Variants in PEBP4 observed in about 807,000 individuals in gnomAD.
PEBP4 encodes the protein phosphatidylethanolamine binding protein 4, also known as phosphatidylethanolamine-binding protein 4.
In PEBP4, 22 loss-of-function variants were observed where a neutral mutation model predicts 23.9. That is an observed-to-expected ratio of 0.92 (90% CI 0.66 to 1.31). The LOEUF is 1.31. PEBP4 is among the 40% of genes most tolerant of loss of function. The probability of loss-of-function intolerance (pLI) is 0.00; values close to 1 mark genes in which losing one functional copy is unlikely to be tolerated. For synonymous variants in PEBP4, 112 were observed against 99.3 expected (o/e 1.13, Z -0.76); for missense variants, 324 against 281.7 (o/e 1.15, Z -1.07).
intron 4 of PEBP4, among the ~76,000 whole-genome samples, chr8:22,733,807 ATGGGGGAATTGGGGAGG>A (rs1158983645): frequency 0.011 from 43 of 4,048 alleles, 1 homozygote; most frequent in Non-Finnish European, 0.033. Flanking sequence ...GAGGGTGGGG[ATGGGGGAATTGGGGAGG>A]GTGGGGATGG....
At chr8:22,822,359 G>GTGTGTGTGTGTGTGTGTGTGTGTA (rs1281144480) in intron 3 of PEBP4, among the ~76,000 whole-genome samples, 7 of 151,708 alleles carry the variant, frequency 4.6e-5, no homozygotes, top group African/African-American at 1.7e-4. Context: ...ACTAAAGTGT[G>GTGTGTGTGTGTGTGTGTGTGTGTA]TGTGTGTGTG....
intron 4 of PEBP4, among the ~76,000 whole-genome samples, chr8:22,765,948 C>CTG (rs36174920): frequency 2.4e-4 from 34 of 141,210 alleles, no homozygotes; most frequent in South Asian, 4.4e-4. Flanking sequence ...GGATCACCAC[C>CTG]TGTGGATCAC....
rs530756546 is a variant in PEBP4, at chr8:22,765,255, T to G, written c.358-38035A>C. ...CCTTCTCATGTTCAAGCGATTCTCC[T>G]GCCTCAGCCTCATGAGTAGCTGAGA... On this transcript the variant is annotated intron_variant, in intron 4 of 6. Transcript: ENST00000256404. 3.3e-5 allele frequency among the ~76,000 whole-genome samples: 5 copies of G among 152,252 alleles called. No individual in the cohort carries two copies. In the South Asian group the frequency reaches 1.0e-3, roughly 32 times the overall value.
intron 3 of PEBP4, among the ~76,000 whole-genome samples, chr8:22,918,238 T>C (rs1262109303): frequency 1.3e-5 from 2 of 152,240 alleles, no homozygotes; most frequent in Non-Finnish European, 2.9e-5. Flanking sequence ...TAAACTATAG[T>C]TCCATAGTAG....
At chr8:22,800,018 G>A (rs1306664960) in intron 4 of PEBP4, among the ~76,000 whole-genome samples, 5 of 152,168 alleles carry the variant, frequency 3.3e-5, no homozygotes, top group Non-Finnish European at 5.9e-5. Context: ...GGAATATTAT[G>A]CAGCCATAAA....
chr8:22,863,450 T>A (rs967899028), intron 3 of PEBP4, among the ~76,000 whole-genome samples: 1 of 152,168 alleles, frequency 6.6e-6, no homozygotes, highest in African/African-American at 2.4e-5. Flanking sequence ...CAGTCATAGA[T>A]AGTTGGCAGC....
At chr8:22,826,870 T>TA (rs548866723) in intron 3 of PEBP4, among the ~76,000 whole-genome samples, 170 of 152,316 alleles carry the variant, frequency 1.1e-3, no homozygotes, top group African/African-American at 3.5e-3. Flanking sequence ...TATTACCTGC[T>TA]AAAAATAAAC....
intron 3 of PEBP4, among the ~76,000 whole-genome samples, chr8:22,836,133 G>T (rs1252164679): frequency 6.6e-6 from 1 of 152,222 alleles, no homozygotes; most frequent in Non-Finnish European, 1.5e-5. Context: ...TAAACTCTCT[G>T]GGCCTCAGGT....
At chr8:22,760,737 A>G (rs1175680010) in intron 4 of PEBP4, among the ~76,000 whole-genome samples, 1 of 152,148 alleles carries the variant, frequency 6.6e-6, no homozygotes, top group East Asian at 1.9e-4. Flanking sequence ...TGCTTCAGAC[A>G]TGGGCATTCT....
At chr8:22,777,399 C>A (rs981820689) in intron 4 of PEBP4, among the ~76,000 whole-genome samples, 1 of 152,174 alleles carries the variant, frequency 6.6e-6, no homozygotes, top group African/African-American at 2.4e-5. Flanking sequence ...GTGAGAGTGA[C>A]CTGGGCTGGA....
rs139448058 is a variant in PEBP4 at position 22,713,345 on chromosome 8, A to C, written c.*25T>G. 3.2e-6 allele frequency: 5 copies of C among 1,556,816 alleles called. No homozygotes were observed. In the African/African-American group the frequency reaches 5.5e-5, roughly 17 times the overall value. ...CGTCGGTGGTGGGCAGTGTGGCCACATGCCCGGATGGCAAAGCCGGCTATC... is the reference window on the plus strand; with the variant it reads ...CGTCGGTGGTGGGCAGTGTGGCCACCTGCCCGGATGGCAAAGCCGGCTATC... On this transcript the variant is annotated 3_prime_UTR_variant, in exon 7 of 7. Coordinates refer to ENST00000256404, the MANE Select transcript of PEBP4 (RefSeq NM_144962.3).
chr8:22,718,798 C>T (rs1237727982), intron 6 of PEBP4, among the ~76,000 whole-genome samples: 4 of 152,048 alleles, frequency 2.6e-5, no homozygotes, highest in East Asian at 1.9e-4. Context: ...AGTCTGAGGG[C>T]GGGGGCTGGT....
intron 3 of PEBP4, among the ~76,000 whole-genome samples, chr8:22,919,449 AAAG>A (rs987764478): frequency 3.2e-4 from 48 of 152,290 alleles, no homozygotes; most frequent in African/African-American, 1.1e-3. Context: ...GTCAAGAAAT[AAAG>A]AAGCGGAGAC....
At chr8:22,762,935 C>T in intron 4 of PEBP4, among the ~76,000 whole-genome samples, 1 of 152,186 alleles carries the variant, frequency 6.6e-6, no homozygotes. Flanking sequence ...TTCCAAGCAA[C>T]TCTTCCTACA....
chr8:22,864,608 A>T (rs1585312949), intron 3 of PEBP4, among the ~76,000 whole-genome samples: 1 of 152,106 alleles, frequency 6.6e-6, no homozygotes, highest in South Asian at 2.1e-4. Context: ...AATCGAAGTG[A>T]CTCGGAGGAA....
intron 3 of PEBP4, among the ~76,000 whole-genome samples, chr8:22,905,273 TC>T (rs1345710918): frequency 1.4e-5 from 2 of 146,060 alleles, no homozygotes; most frequent in Non-Finnish European, 1.5e-5. Context: ...CCCATTAACA[TC>T]CTTTTTTTTT....
intron 3 of PEBP4, among the ~76,000 whole-genome samples, chr8:22,874,390 G>A (rs1808076338): frequency 6.6e-6 from 1 of 152,176 alleles, no homozygotes; most frequent in African/African-American, 2.4e-5. Context: ...GGGAGAATGA[G>A]TTATTAAATT....
chr8:22,831,078 C>T (rs954842428), intron 3 of PEBP4, among the ~76,000 whole-genome samples: 1 of 152,124 alleles, frequency 6.6e-6, no homozygotes, highest in African/African-American at 2.4e-5. Context: ...GTTCACTCTG[C>T]TCCCTCCCCA....
intron 1 of PEBP4, among the ~76,000 whole-genome samples, chr8:22,940,105 G>A (rs2128783814): frequency 6.6e-6 from 1 of 152,336 alleles, no homozygotes; most frequent in South Asian, 2.1e-4. Context: ...TTAAAGCCTA[G>A]TGAAGCTATG....
Sources: allele counts gnomAD v4.1 joint callset (sites outside exome capture counted in the v4.1 genomes callset), GRCh38; gene constraint gnomAD v4.1.1; transcripts MANE v1.5; gene names NCBI Gene and HGNC (gene_info 2026-07-23, HGNC 2026-07-21).